The following TRAT1 variants were observed in gnomAD, a reference collection of about 807,000 sequenced individuals.
TRAT1 encodes the protein T-cell receptor-associated transmembrane adapter 1.
Under a neutral mutation model 20.0 loss-of-function variants are expected in TRAT1, and 20 were observed. That is an observed-to-expected ratio of 1.00 (90% CI 0.70 to 1.45). TRAT1 has a LOEUF of 1.45. TRAT1 is among the 40% of genes most tolerant of loss of function. The pLI is 0.00. For synonymous variants in TRAT1, 77 were observed against 74.2 expected (o/e 1.04, Z -0.20); for missense variants, 237 against 224.1 (o/e 1.06, Z -0.37).
intron 5 of TRAT1, among the ~76,000 whole-genome samples, chr3:108,850,874 C>T (rs1484830776): frequency 1.3e-5 from 2 of 152,190 alleles, no homozygotes; most frequent in Admixed American, 1.3e-4. Flanking sequence ...ATTTAATACA[C>T]ATGACTTGTA....
intron 1 of TRAT1, among the ~76,000 whole-genome samples, chr3:108,830,314 G>T (rs1945781456): frequency 6.6e-6 from 1 of 152,188 alleles, no homozygotes; most frequent in South Asian, 2.1e-4. Context: ...ATTAAAGAAA[G>T]GTGAAAAGTA....
At chr3:108,830,187 TG>T (rs1196797277) in intron 1 of TRAT1, among the ~76,000 whole-genome samples, 37 of 152,206 alleles carry the variant, frequency 2.4e-4, no homozygotes, top group African/African-American at 8.4e-4. Context: ...TTAACAAAAC[TG>T]GGCTCCAGAA....
Position 108,847,077 on chromosome 3 carries a change from G to A in TRAT1, c.162G>A (p.Glu54=), listed in dbSNP as rs770862121. The change falls in exon 4 of 6, where the codon GAG becomes GAA. Residue 54 remains glutamate (E), a synonymous_variant. Coordinates refer to ENST00000295756, the MANE Select transcript of TRAT1 (RefSeq NM_016388.4). ...TTTTTCCTTGTTATAGGGTTGATGA[G>A]TATTATATTGAAGACACACCAATTT... ...SYSSDHTRVD[E]YYIEDTPIYG... is the part of the protein sequence containing the mutation. 16 of 1,527,770 alleles carry A rather than the reference G, an allele frequency of 1.0e-5. No homozygotes were observed. Among genetic ancestry groups the A allele is most frequent in the Middle Eastern group, 1.7e-4 (1 of 5,870 alleles). The allele number at this position is 1,527,770 out of a possible 1,614,324, so 94.6% of individuals were successfully genotyped here.
intron 3 of TRAT1, 145 bp downstream of exon 3, chr3:108,839,112 C>A: frequency 1.5e-6 from 1 of 647,552 alleles, no homozygotes. Context: ...TTACTCTCAT[C>A]TAAAGATCAG....
At chr3:108,846,684 CCT>C (rs748664491) in intron 3 of TRAT1, among the ~76,000 whole-genome samples, 1 of 152,118 alleles carries the variant, frequency 6.6e-6, no homozygotes, top group Non-Finnish European at 1.5e-5. Context: ...AGTCATATGA[CCT>C]CTCTGTGCCT....
chr3:108,836,416 T>G (rs1428517953), intron 2 of TRAT1, among the ~76,000 whole-genome samples: 1 of 152,168 alleles, frequency 6.6e-6, no homozygotes, highest in African/African-American at 2.4e-5. Context: ...TTTTTGCTGA[T>G]TTTTTTCCTT....
chr3:108,849,235 A>G lies in TRAT1; in HGVS notation c.284A>G (p.Glu95Gly). ...RPEKSVNKMQ[E>G]ATPSAQATNE... ...GAGAAATCTGTAAATAAGATGCAGG[A>G]AGCCACCCCATCTGCACAGGTGAGT... The change falls in exon 5 of 6, where the codon GAA becomes GGA. Residue 95 changes from glutamate to glycine, a missense_variant. Glu to Gly is a moderately conservative substitution (Grantham distance 98, BLOSUM62 -2). Coordinates refer to ENST00000295756, the MANE Select transcript of TRAT1 (RefSeq NM_016388.4). The G allele has an allele frequency of 6.2e-7, 1 of 1,614,100 alleles. No homozygotes were observed. The highest frequency in any genetic ancestry group is 8.5e-7 in the Non-Finnish European group (1 of 1,179,978).
intron 5 of TRAT1, among the ~76,000 whole-genome samples, chr3:108,851,490 C>T (rs1003133541): frequency 3.9e-5 from 6 of 152,150 alleles, no homozygotes; most frequent in Non-Finnish European, 8.8e-5. Context: ...AAAGCCAATG[C>T]TCTTATTCAT....
intron 3 of TRAT1, among the ~76,000 whole-genome samples, chr3:108,842,417 A>G (rs1207047229): frequency 6.6e-6 from 1 of 152,138 alleles, no homozygotes; most frequent in Non-Finnish European, 1.5e-5. Flanking sequence ...TCCTTATGAC[A>G]AGAGAACTCT....
intron 5 of TRAT1, among the ~76,000 whole-genome samples, chr3:108,850,621 G>C (rs1431523011): frequency 6.6e-6 from 1 of 151,966 alleles, no homozygotes; most frequent in Non-Finnish European, 1.5e-5. Flanking sequence ...TTTTAACTAA[G>C]AAACCAAGAT....
At chr3:108,847,340 T>G in intron 4 of TRAT1, 1 of 429,842 alleles carries the variant, frequency 2.3e-6, no homozygotes, top group Non-Finnish European at 4.1e-6. Context: ...CAACATCCTG[T>G]TTTTCTATAT....
intron 4 of TRAT1, 198 bp downstream of exon 4, chr3:108,847,327 A>G: frequency 2.2e-6 from 1 of 446,366 alleles, no homozygotes; most frequent in Non-Finnish European, 4.0e-6. Flanking sequence ...AGCCACTCTA[A>G]ATCAACATCC....
chr3:108,833,228 G>A (rs756108758), intron 2 of TRAT1, among the ~76,000 whole-genome samples: 9 of 152,100 alleles, frequency 5.9e-5, no homozygotes, highest in Non-Finnish European at 1.2e-4. Context: ...GACCAGCCTG[G>A]TCAACATGGA....
At chr3:108,825,894 T>G (rs908015942) in intron 1 of TRAT1, among the ~76,000 whole-genome samples, 1 of 152,118 alleles carries the variant, frequency 6.6e-6, no homozygotes, top group Non-Finnish European at 1.5e-5. Flanking sequence ...CTAAGGTTCT[T>G]CTCAAATAAG....
At chr3:108,824,284 A>G (rs529493531) in intron 1 of TRAT1, among the ~76,000 whole-genome samples, 1 of 152,216 alleles carries the variant, frequency 6.6e-6, no homozygotes, top group Non-Finnish European at 1.5e-5. Context: ...TGAAATTATT[A>G]AGAGATTATG....
chr3:108,849,832 A>C (rs1945981975), intron 5 of TRAT1, among the ~76,000 whole-genome samples: 1 of 152,216 alleles, frequency 6.6e-6, no homozygotes, highest in Admixed American at 6.5e-5. Flanking sequence ...AGAAATGGAT[A>C]GTTTCTCTTT....
intron 5 of TRAT1, among the ~76,000 whole-genome samples, chr3:108,849,962 TCTC>T (rs1175946589): frequency 6.6e-6 from 1 of 152,216 alleles, no homozygotes; most frequent in Non-Finnish European, 1.5e-5. Flanking sequence ...TAGTTTTTCT[TCTC>T]CTCTCAGATC....
chr3:108,851,057 G>A (rs1049946528), intron 5 of TRAT1, among the ~76,000 whole-genome samples: 1 of 152,040 alleles, frequency 6.6e-6, no homozygotes, highest in Non-Finnish European at 1.5e-5. Flanking sequence ...ACAAATTAGA[G>A]GTAATATCTT....
At chr3:108,852,065 A>C (rs1036447833) in intron 5 of TRAT1, among the ~76,000 whole-genome samples, 1 of 142,956 alleles carries the variant, frequency 7.0e-6, no homozygotes, top group Non-Finnish European at 1.5e-5. Context: ...AGCTAGACAC[A>C]ACAACAACAA....
Sources: gnomAD v4.1 joint callset for allele counts (sites outside exome capture counted in the v4.1 genomes callset) on GRCh38, gnomAD v4.1.1 for gene constraint, MANE v1.5 for transcripts, NCBI Gene and HGNC (gene_info 2026-07-23, HGNC 2026-07-21) for gene names.